SCAPER: variants seen among roughly 807,000 people sequenced by gnomAD.
SCAPER encodes the protein S phase cyclin A-associated protein in the endoplasmic reticulum.
SCAPER carries 98 observed loss-of-function variants against 182.2 expected under a neutral mutation model. The observed-to-expected ratio is 0.54, with a 90% CI of 0.46 to 0.64. The LOEUF (loss-of-function observed/expected upper bound fraction) is 0.64. Ranked by LOEUF, SCAPER falls within the 30% of genes least tolerant of loss-of-function variation. The pLI, the probability that SCAPER is intolerant of heterozygous loss-of-function variation, is 0.00. For synonymous variants in SCAPER, 605 were observed against 564.6 expected (o/e 1.07, Z -1.01); for missense variants, 1,432 against 1,690.0 (o/e 0.85, Z 2.68).
In SCAPER at chr15:76,632,768, C is replaced by CTTT. The variant is rs1188058843; in HGVS notation, c.2646-10942_2646-10940dup. On this transcript the variant is annotated intron_variant, in intron 21 of 31. Coordinates refer to ENST00000563290, the MANE Select transcript of SCAPER (RefSeq NM_020843.4). ...TTCCTTTGATCTCTGAGGCTGCTGACTTTTTTTTTTTTTTTTTTTTTTGAG... is the reference window on the plus strand; with the variant it reads ...TTCCTTTGATCTCTGAGGCTGCTGACTTTTTTTTTTTTTTTTTTTTTTTTTGAG... 2.3e-3 allele frequency among the ~76,000 whole-genome samples: 243 copies of CTTT among 104,492 alleles called. 5 individuals are homozygous for CTTT. The highest frequency in any genetic ancestry group is 4.4e-3 in the African/African-American group (102 of 22,932). 68.6% of individuals were successfully genotyped at this position (104,492 alleles called of 152,430 possible).
intron 1 of SCAPER, chr15:76,904,637 G>C (rs1252635147): frequency 6.6e-6 from 1 of 152,180 alleles, no homozygotes; most frequent in African/African-American, 2.4e-5. Flanking sequence ...TAGAGGAAAG[G>C]CGCCAAGGAA....
intron 25 of SCAPER, among the ~76,000 whole-genome samples, chr15:76,440,328 C>G (rs184297639): frequency 4.6e-5 from 7 of 152,306 alleles, no homozygotes; most frequent in Admixed American, 4.6e-4. Flanking sequence ...AAAAGCCAAG[C>G]ATGTATTCTT....
intron 5 of SCAPER, among the ~76,000 whole-genome samples, chr15:76,836,373 T>G (rs573860367): frequency 1.3e-5 from 2 of 152,082 alleles, no homozygotes; most frequent in African/African-American, 4.8e-5. Flanking sequence ...CAGATACATA[T>G]AACAATGAAA....
chr15:76,524,330 G>A (rs1243589259), intron 23 of SCAPER, among the ~76,000 whole-genome samples: 2 of 152,132 alleles, frequency 1.3e-5, no homozygotes, highest in Non-Finnish European at 2.9e-5. Flanking sequence ...TGAGACAAAA[G>A]TGATAATAAG....
intron 21 of SCAPER, among the ~76,000 whole-genome samples, chr15:76,641,963 A>C (rs1022610267): frequency 2.0e-5 from 3 of 152,224 alleles, no homozygotes; most frequent in Non-Finnish European, 4.4e-5. Context: ...CTACCAATTA[A>C]TAGCTATGAA....
chr15:76,745,214 TG>T (rs2061730932), intron 15 of SCAPER, among the ~76,000 whole-genome samples: 1 of 151,976 alleles, frequency 6.6e-6, no homozygotes, highest in Non-Finnish European at 1.5e-5. Flanking sequence ...CCGAGGTGGG[TG>T]GATCACCTGA....
intron 7 of SCAPER, among the ~76,000 whole-genome samples, chr15:76,799,717 C>T (rs912675188): frequency 3.3e-5 from 5 of 152,280 alleles, no homozygotes; most frequent in Admixed American, 3.3e-4. Flanking sequence ...TTGTCCTTAT[C>T]CCTGTAGAAG....
chr15:76,357,954 G>A (rs2041116127), intron 29 of SCAPER, among the ~76,000 whole-genome samples: 1 of 152,158 alleles, frequency 6.6e-6, no homozygotes, highest in Non-Finnish European at 1.5e-5. Flanking sequence ...AAGTGGGAGA[G>A]GAGTGAGGAA....
chr15:76,468,737 G>A (rs1462424033), intron 25 of SCAPER, among the ~76,000 whole-genome samples: 2 of 152,078 alleles, frequency 1.3e-5, no homozygotes, highest in Non-Finnish European at 2.9e-5. Context: ...GGGTCCGAAT[G>A]CTGTGTCCCT....
At chr15:76,725,286 C>G (rs1285093597) in intron 17 of SCAPER, among the ~76,000 whole-genome samples, 1 of 151,642 alleles carries the variant, frequency 6.6e-6, no homozygotes, top group Non-Finnish European at 1.5e-5. Context: ...GAACTGAAGA[C>G]ACAAATAAAT....
intron 16 of SCAPER, among the ~76,000 whole-genome samples, chr15:76,731,703 A>T (rs530766222): frequency 2.0e-4 from 30 of 152,360 alleles, no homozygotes; most frequent in African/African-American, 6.7e-4. Context: ...TATCTCAAGC[A>T]TATGTAGACA....
At chr15:76,707,382 C>T (rs1224274346) in intron 17 of SCAPER, among the ~76,000 whole-genome samples, 1 of 151,716 alleles carries the variant, frequency 6.6e-6, no homozygotes, top group African/African-American at 2.4e-5. Context: ...ATACAGCCTA[C>T]AAGAGACAGA....
At chr15:76,690,315 C>T (rs1567810254) in intron 20 of SCAPER, among the ~76,000 whole-genome samples, 1 of 151,956 alleles carries the variant, frequency 6.6e-6, no homozygotes, top group Admixed American at 6.6e-5. Flanking sequence ...AGACATTCTG[C>T]AAAATGCCTC....
At chr15:76,737,922 C>T (rs2061355614) in intron 15 of SCAPER, among the ~76,000 whole-genome samples, 1 of 152,192 alleles carries the variant, frequency 6.6e-6, no homozygotes, top group Non-Finnish European at 1.5e-5. Flanking sequence ...CGGGATCTTA[C>T]TCTGGATTAG....
chr15:76,714,740 A>T (rs1345029235), intron 17 of SCAPER, among the ~76,000 whole-genome samples: 2 of 152,182 alleles, frequency 1.3e-5, no homozygotes, highest in Non-Finnish European at 2.9e-5. Flanking sequence ...TGTTTTTAAA[A>T]ATATATGGCT....
intron 3 of SCAPER, among the ~76,000 whole-genome samples, chr15:76,858,451 A>G (rs951359479): frequency 1.3e-5 from 2 of 152,220 alleles, no homozygotes; most frequent in African/African-American, 4.8e-5. Context: ...TTCAAAACAG[A>G]AATAAAATTC....
intron 7 of SCAPER, among the ~76,000 whole-genome samples, chr15:76,799,287 A>AT (rs11395127): frequency 0.52 from 73,313 of 140,440 alleles, 20,182 homozygotes; most frequent in Non-Finnish European, 0.63. Context: ...ATCTCCTGGA[A>AT]TTTTTTTTTT....
intron 7 of SCAPER, among the ~76,000 whole-genome samples, chr15:76,797,851 A>G (rs2065440122): frequency 6.6e-6 from 1 of 152,020 alleles, no homozygotes; most frequent in South Asian, 2.1e-4. Flanking sequence ...CAACAGTCAC[A>G]GTTAACAATC....
chr15:76,495,185 TTTC>T (rs2040371502), intron 24 of SCAPER, among the ~76,000 whole-genome samples: 1 of 152,152 alleles, frequency 6.6e-6, no homozygotes, highest in Non-Finnish European at 1.5e-5. Context: ...AGAGCAATTT[TTTC>T]TTAATACGTT....
Sources: gnomAD v4.1 joint callset for allele counts (sites outside exome capture counted in the v4.1 genomes callset) on GRCh38, gnomAD v4.1.1 for gene constraint, MANE v1.5 for transcripts, NCBI Gene and HGNC (gene_info 2026-07-23, HGNC 2026-07-21) for gene names.